BCKDHB: variants seen among roughly 807,000 people sequenced by gnomAD.
BCKDHB encodes the protein branched chain keto acid dehydrogenase E1 subunit beta.
In BCKDHB, 41 loss-of-function variants were observed where a neutral mutation model predicts 48.5. The observed-to-expected ratio is 0.85, with a 90% CI of 0.66 to 1.10. The LOEUF is 1.10. Ranked by LOEUF, BCKDHB falls within the 50% of genes least tolerant of loss-of-function variation. The pLI is 0.00. For missense variants in BCKDHB, 496 were observed against 494.2 expected, an observed-to-expected ratio of 1.00 and a Z score of -0.03; for synonymous variants, 201 against 174.8, an observed-to-expected ratio of 1.15 and a Z score of -1.18.
chr6:80,313,463 C>T (rs191484860), intron 9 of BCKDHB, among the ~76,000 whole-genome samples: 59 of 152,152 alleles, frequency 3.9e-4, no homozygotes, highest in Non-Finnish European at 7.2e-4. Context: ...TGGGTTCAAG[C>T]GATTCTCCTG....
At chr6:80,235,743 T>C (rs566401313) in intron 8 of BCKDHB, among the ~76,000 whole-genome samples, 1 of 152,332 alleles carries the variant, frequency 6.6e-6, no homozygotes, top group Admixed American at 6.5e-5. Context: ...GTGGATAGGA[T>C]AATTTAAAAT....
At chr6:80,163,311 C>CTTTTTTTTTTTT (rs34383985) in intron 3 of BCKDHB, among the ~76,000 whole-genome samples, 1 of 138,100 alleles carries the variant, frequency 7.2e-6, no homozygotes, top group Non-Finnish European at 1.6e-5. Context: ...TGCAATTAAG[C>CTTTTTTTTTTTT]TTTTTTTTTT....
chr6:80,399,702 A>G, the BCKDHB span, among the ~76,000 whole-genome samples: 2 of 152,136 alleles, frequency 1.3e-5, no homozygotes, highest in African/African-American at 4.8e-5. Flanking sequence ...CACTATTCCT[A>G]TAAAATTACC....
the BCKDHB span, among the ~76,000 whole-genome samples, chr6:80,357,617 A>C: frequency 6.6e-6 from 1 of 152,228 alleles, no homozygotes; most frequent in Non-Finnish European, 1.5e-5. Flanking sequence ...AACTACATAC[A>C]AAACTTCGAC....
the BCKDHB span, among the ~76,000 whole-genome samples, chr6:80,420,784 G>A: frequency 6.6e-6 from 1 of 152,192 alleles, no homozygotes; most frequent in Non-Finnish European, 1.5e-5. Flanking sequence ...TTCTGGGTGG[G>A]ATGAGGCCTA....
At chr6:80,188,465 C>T (rs113203440) in intron 6 of BCKDHB, among the ~76,000 whole-genome samples, 9 of 152,010 alleles carry the variant, frequency 5.9e-5, no homozygotes, top group African/African-American at 1.9e-4. Context: ...GTGAGACCCC[C>T]GTCTCTACAA....
chr6:80,241,846 AT>A (rs1776403247), intron 8 of BCKDHB, among the ~76,000 whole-genome samples: 1 of 152,112 alleles, frequency 6.6e-6, no homozygotes, highest in East Asian at 1.9e-4. Flanking sequence ...CCTTTCTGTA[AT>A]TGCTAATGAG....
intron 8 of BCKDHB, among the ~76,000 whole-genome samples, chr6:80,258,132 C>T (rs1243078296): frequency 1.3e-5 from 2 of 152,072 alleles, no homozygotes; most frequent in Non-Finnish European, 2.9e-5. Flanking sequence ...TGTATTATGT[C>T]TGCCATATTA....
At chr6:80,327,074 G>A (rs1214354609) in intron 9 of BCKDHB, among the ~76,000 whole-genome samples, 3 of 152,078 alleles carry the variant, frequency 2.0e-5, no homozygotes, top group African/African-American at 7.2e-5. Context: ...AATTGTTTAA[G>A]TTTGACATAA....
chr6:80,315,279 T>C (rs1768383286), intron 9 of BCKDHB, among the ~76,000 whole-genome samples: 1 of 152,130 alleles, frequency 6.6e-6, no homozygotes, highest in African/African-American at 2.4e-5. Context: ...AAGGCCCTGG[T>C]GGCATGGGCT....
At chr6:80,358,004 C>A in the BCKDHB span, among the ~76,000 whole-genome samples, 55 of 152,104 alleles carry the variant, frequency 3.6e-4, 1 homozygote, top group Non-Finnish European at 7.2e-4. Context: ...TTACTCTAAC[C>A]CTTGACTAAT....
intron 9 of BCKDHB, among the ~76,000 whole-genome samples, chr6:80,310,023 C>T (rs1768072458): frequency 1.3e-5 from 2 of 151,776 alleles, no homozygotes; most frequent in African/African-American, 2.4e-5. Flanking sequence ...GATGCAAGGA[C>T]ATGATCTCAT....
chr6:80,186,273 C>T (rs573813799), intron 6 of BCKDHB, among the ~76,000 whole-genome samples: 8 of 152,028 alleles, frequency 5.3e-5, no homozygotes, highest in Non-Finnish European at 8.8e-5. Context: ...CAGGGCTTGC[C>T]GAGGCCACTG....
chr6:80,146,262 A>G (rs1295417041), intron 3 of BCKDHB, among the ~76,000 whole-genome samples: 1 of 152,200 alleles, frequency 6.6e-6, no homozygotes, highest in Non-Finnish European at 1.5e-5. Context: ...TAGTATACAT[A>G]GGCCAAAGCA....
the BCKDHB span, among the ~76,000 whole-genome samples, chr6:80,428,920 G>T: frequency 4.6e-5 from 7 of 152,096 alleles, no homozygotes; most frequent in Non-Finnish European, 8.8e-5. Flanking sequence ...CATTGGTTTT[G>T]GTGTTTTAGA....
At chr6:80,434,175 C>A in the BCKDHB span, among the ~76,000 whole-genome samples, 1 of 151,984 alleles carries the variant, frequency 6.6e-6, no homozygotes, top group East Asian at 1.9e-4. Context: ...TACATAATCA[C>A]ACTTGATATA....
chr6:80,174,184 A>G (rs1182145115), intron 6 of BCKDHB, among the ~76,000 whole-genome samples: 2 of 152,124 alleles, frequency 1.3e-5, no homozygotes, highest in Non-Finnish European at 2.9e-5. Context: ...TGAAAACACA[A>G]AATTGTACAT....
chr6:80,395,100 T>A, the BCKDHB span, among the ~76,000 whole-genome samples: 15 of 152,270 alleles, frequency 9.9e-5, no homozygotes, highest in Non-Finnish European at 1.9e-4. Context: ...CTTAAATATT[T>A]CTTCATAGCA....
At chr6:80,121,576 A>C (rs1167573162) in intron 1 of BCKDHB, among the ~76,000 whole-genome samples, 1 of 152,188 alleles carries the variant, frequency 6.6e-6, no homozygotes, top group African/African-American at 2.4e-5. Context: ...GAGGTCCTTC[A>C]CATTCCTTGT....
Sources: allele counts gnomAD v4.1 joint callset (sites outside exome capture counted in the v4.1 genomes callset), GRCh38; gene constraint gnomAD v4.1.1; transcripts MANE v1.5; gene names NCBI Gene and HGNC (gene_info 2026-07-23, HGNC 2026-07-21).